The following RAB17 variants were observed in gnomAD, a reference collection of about 807,000 sequenced individuals.
The protein encoded by RAB17 is RAB17, member RAS oncogene family.
Under a neutral mutation model 19.3 loss-of-function variants are expected in RAB17, and 15 were observed. The observed-to-expected ratio is 0.78, with a 90% CI of 0.52 to 1.20. The LOEUF (loss-of-function observed/expected upper bound fraction) is 1.20, where lower values mean the gene tolerates loss of function less well. Ranked by LOEUF, RAB17 falls within the 50% of genes most tolerant of loss-of-function variation. RAB17 has a pLI of 0.00. For synonymous variants in RAB17, 110 were observed against 112.8 expected (o/e 0.97, Z 0.16); for missense variants, 262 against 269.3 (o/e 0.97, Z 0.19).
At chr2:237,587,847 GA>G (rs548801153) in intron 1 of RAB17, among the ~76,000 whole-genome samples, 27,866 of 129,690 alleles carry the variant, frequency 0.21, 4,623 homozygotes, top group African/African-American at 0.47. Context: ...AAAAAAAAAA[GA>G]AAAGAAAAAG....
intron 5 of RAB17, 102 bp from the exon 6 acceptor site, chr2:237,575,230 C>A: frequency 9.1e-7 from 1 of 1,102,298 alleles, no homozygotes; most frequent in Non-Finnish European, 1.3e-6. Context: ...CCTGTGTTTA[C>A]CCTGAACCAT....
intron 2 of RAB17, among the ~76,000 whole-genome samples, chr2:237,584,109 G>A (rs77749296): frequency 0.015 from 2,316 of 151,950 alleles, 24 homozygotes; most frequent in Middle Eastern, 0.024. Flanking sequence ...CCTCATTGTC[G>A]GGGCCTCCAT....
At chr2:237,587,898 T>C (rs1294241719) in intron 1 of RAB17, among the ~76,000 whole-genome samples, 1 of 151,884 alleles carries the variant, frequency 6.6e-6, no homozygotes, top group East Asian at 1.9e-4. Flanking sequence ...GTGATCTCAG[T>C]ATGCAGCCAA....
chr2:237,587,766 T>C (rs749333247), intron 1 of RAB17, among the ~76,000 whole-genome samples: 4 of 150,410 alleles, frequency 2.7e-5, no homozygotes, highest in Middle Eastern at 3.4e-3. Flanking sequence ...AGTTTCACCA[T>C]CAAGTATGAT....
intron 2 of RAB17, among the ~76,000 whole-genome samples, chr2:237,585,235 A>G (rs1230383688): frequency 6.6e-6 from 1 of 151,602 alleles, no homozygotes; most frequent in Non-Finnish European, 1.5e-5. Flanking sequence ...GGAGATGTGC[A>G]GCTTATCCAT....
intron 2 of RAB17, among the ~76,000 whole-genome samples, chr2:237,583,512 A>T (rs72990123): frequency 2.0e-5 from 3 of 152,032 alleles, no homozygotes; most frequent in Non-Finnish European, 2.9e-5. Flanking sequence ...CACATTTCTA[A>T]CCCCGCAACC....
rs140856234 is a variant in RAB17, at chr2:237,578,032, G to A, written c.281C>T (p.Ala94Val). The change falls in exon 3 of 6, where the codon GCG (alanine) becomes GTG (valine). Residue 94 changes from alanine (A) to valine (V), a missense_variant. Transcript: ENST00000264601. ...CCTGGTGATGTCGTACACCAGAAGCGCAGCGTTGGCACCCCTGAAGTAGAG... is the reference window on the plus strand; with the variant it reads ...CCTGGTGATGTCGTACACCAGAAGCACAGCGTTGGCACCCCTGAAGTAGAG... ...CHLYFRGANA[A>V]LLVYDITRKD... 25 of 1,610,498 alleles carry A rather than the reference G, an allele frequency of 1.6e-5. No individual in the cohort carries two copies. The African/African-American group carries it at 1.9e-4, about 12-fold the overall frequency.
intron 4 of RAB17, among the ~76,000 whole-genome samples, 173 bp downstream of exon 4, chr2:237,577,084 G>A (rs1184112359): frequency 6.6e-6 from 1 of 152,072 alleles, no homozygotes. Context: ...GTGAATGTGG[G>A]GGGTGTGCAT....
At chr2:237,583,830 G>A (rs2081327245) in intron 2 of RAB17, among the ~76,000 whole-genome samples, 2 of 152,134 alleles carry the variant, frequency 1.3e-5, no homozygotes, top group Admixed American at 1.3e-4. Flanking sequence ...GAGGAAGGGA[G>A]GCCCTGGCTT....
rs140268176 is a variant in RAB17, at chr2:237,584,097, C to T, written c.157+1901G>A. On this transcript the variant is annotated intron_variant, in intron 2 of 5. Coordinates refer to ENST00000264601, the MANE Select transcript of RAB17 (RefSeq NM_022449.4). ...TGGAATGAAAGGAACTAGGGCCTCG[C>T]GCCTCATTGTCGGGGCCTCCATCCC... Among the ~76,000 whole-genome samples the T allele has an allele frequency of 9.8e-3, 1,488 of 152,102 alleles. 26 individuals are homozygous for T. The highest frequency in any genetic ancestry group is 0.033 in the African/African-American group (1,377 of 41,494).
intron 4 of RAB17, chr2:237,576,500 C>A (rs568147088): frequency 6.6e-6 from 3 of 453,014 alleles, no homozygotes; most frequent in East Asian, 1.4e-4. Context: ...TGCTCTCCCC[C>A]GAGATTCTCC....
Position 237,574,949 on chromosome 2 carries a change from G to A in RAB17, c.*70C>T. ...GCAACCCAGCATTGACAGTGAATCA[G>A]AATCCACCTAGAGCTGGCCATGGCC... On this transcript the variant is annotated 3_prime_UTR_variant, in exon 6 of 6. Transcript: ENST00000264601. The A allele has an allele frequency of 8.2e-7, 1 of 1,214,684 alleles. No homozygotes were observed. The highest frequency in any genetic ancestry group is 1.6e-5 in the South Asian group (1 of 61,328). 75.2% of individuals were successfully genotyped at this position (1,214,684 alleles called of 1,614,324 possible).
chr2:237,575,413 T>C lies in RAB17; in HGVS notation c.503A>G (p.Gln168Arg). Residue 168 changes from glutamine (Q) to arginine (R), a missense_variant, in exon 5 of 6, where the codon CAG becomes CGG. Physicochemically the swap from Gln to Arg is conservative, Grantham distance 43. Coordinates refer to ENST00000264601, the MANE Select transcript of RAB17 (RefSeq NM_022449.4). ...FMETSAKLNH[Q>R]VSEVFNTVAQ... ...CACTGTATTGAACACCTCCGACACC[T>C]GGTGGTTCAGTTTGGCCGAAGTTTC... 1 of 1,612,336 alleles carries C rather than the reference T, an allele frequency of 6.2e-7. No individual in the cohort carries two copies. The highest frequency in any genetic ancestry group is 8.5e-7 in the Non-Finnish European group (1 of 1,179,544).
In RAB17 at chr2:237,575,026, G is replaced by A. The variant is rs1204183424; in HGVS notation, c.632C>T (p.Ala211Val). ...CCCCAGGAGTGGCTGCACCTAGTGG[G>A]CGCAGCATTTGGCCTGCCTCGCGGG... ...KGPARQAKCCAH is the reference protein window; with the variant it reads ...KGPARQAKCCVH The change falls in exon 6 of 6, where the codon GCC (alanine) becomes GTC (valine). Residue 211 changes from alanine (A) to valine (V), a missense_variant. Transcript: ENST00000264601. 1 of 1,610,158 alleles carries A rather than the reference G, an allele frequency of 6.2e-7. No individual in the cohort carries two copies. Among genetic ancestry groups the A allele is most frequent in the Non-Finnish European group, 8.5e-7 (1 of 1,177,954 alleles).
chr2:237,589,863 C>CT (rs913947327), intron 1 of RAB17, among the ~76,000 whole-genome samples: 65 of 152,242 alleles, frequency 4.3e-4, no homozygotes, highest in Non-Finnish European at 1.6e-4. Flanking sequence ...CCACATTAGT[C>CT]TTTTTTGCGG....
At chr2:237,576,129 C>T (rs2081260825) in intron 4 of RAB17, among the ~76,000 whole-genome samples, 1 of 152,178 alleles carries the variant, frequency 6.6e-6, no homozygotes, top group Admixed American at 6.5e-5. Context: ...GCTCAGGCTC[C>T]TGACTGTCCA....
At chr2:237,575,697 G>A (rs60484328) in intron 4 of RAB17, 40,994 of 524,984 alleles carry the variant, frequency 0.078, 2,096 homozygotes, top group South Asian at 0.12. Context: ...TCTAGCTGGC[G>A]GGGTGCGGCC....
chr2:237,585,881 C>T, intron 2 of RAB17, 117 bp downstream of exon 2: 1 of 1,144,808 alleles, frequency 8.7e-7, no homozygotes, highest in Non-Finnish European at 1.2e-6. Flanking sequence ...ACAGGCAGCT[C>T]AAGGTCCCAG....
In RAB17 at chr2:237,578,497, G is replaced by A. The variant is rs550351413; in HGVS notation, c.158-342C>T. 9 of 196,350 alleles carry A rather than the reference G, an allele frequency of 4.6e-5. No individual in the cohort carries two copies. The South Asian group carries it at 1.2e-3, about 26-fold the overall frequency. 12.2% of individuals were successfully genotyped at this position (196,350 alleles called of 1,614,324 possible). Reference sequence around the variant, plus strand: ...TCCGATGCATCCCTGCCAGCTTCCAGCGATGCAGCTGGGCTCTGGGAACCC... The same window carrying A: ...TCCGATGCATCCCTGCCAGCTTCCAACGATGCAGCTGGGCTCTGGGAACCC... On this transcript the variant is annotated intron_variant, in intron 2 of 5. Coordinates refer to ENST00000264601, the MANE Select transcript of RAB17 (RefSeq NM_022449.4).
Sources: gnomAD v4.1 joint callset for allele counts (sites outside exome capture counted in the v4.1 genomes callset) on GRCh38, gnomAD v4.1.1 for gene constraint, MANE v1.5 for transcripts, NCBI Gene and HGNC (gene_info 2026-07-23, HGNC 2026-07-21) for gene names.